The following HIVEP2 variants were observed in gnomAD, a reference collection of about 807,000 sequenced individuals.
HIVEP2 encodes the protein HIVEP zinc finger 2.
Under a neutral mutation model 180.7 loss-of-function variants are expected in HIVEP2, and 14 were observed. The ratio of observed to expected loss-of-function variants is 0.08; its 90% CI spans 0.05 to 0.12. The LOEUF (loss-of-function observed/expected upper bound fraction) is 0.12, where lower values mean the gene tolerates loss of function less well. Among genes scored for constraint, HIVEP2 ranks in the 10% least tolerant of loss-of-function variants. HIVEP2 has a pLI of 1.00. For missense variants in HIVEP2, 2,579 were observed against 3,008.5 expected (o/e 0.86, Z 3.34); for synonymous variants, 1,184 against 1,136.4 (o/e 1.04, Z -0.84).
At chr6:142,802,178 C>G (rs1776430586) in intron 2 of HIVEP2, among the ~76,000 whole-genome samples, 1 of 152,188 alleles carries the variant, frequency 6.6e-6, no homozygotes, top group South Asian at 2.1e-4. Flanking sequence ...CTCCTTCAAA[C>G]TTATGGCTTC....
chr6:142,936,069 G>A (rs1444102820), intron 1 of HIVEP2, among the ~76,000 whole-genome samples: 6 of 151,370 alleles, frequency 4.0e-5, no homozygotes, highest in African/African-American at 1.2e-4. Flanking sequence ...CCGTGATCGC[G>A]CCACTGCACT....
At chr6:142,806,165 A>G (rs1192247104) in intron 2 of HIVEP2, among the ~76,000 whole-genome samples, 4 of 152,310 alleles carry the variant, frequency 2.6e-5, no homozygotes, top group Middle Eastern at 3.4e-3. Flanking sequence ...AGTACTCCCA[A>G]TATACTCACA....
chr6:142,778,908 G>C (rs1322833453), intron 3 of HIVEP2, among the ~76,000 whole-genome samples: 3 of 151,976 alleles, frequency 2.0e-5, no homozygotes, highest in African/African-American at 7.3e-5. Flanking sequence ...ATGGTTCTGA[G>C]AGAATATAAA....
chr6:142,801,651 T>G (rs1028889189), intron 2 of HIVEP2, among the ~76,000 whole-genome samples: 5 of 152,080 alleles, frequency 3.3e-5, no homozygotes, highest in Non-Finnish European at 7.4e-5. Flanking sequence ...GGGACTTGGT[T>G]TCCCATCTAT....
chr6:142,879,023 G>T (rs1412615195), intron 1 of HIVEP2, among the ~76,000 whole-genome samples: 1 of 152,092 alleles, frequency 6.6e-6, no homozygotes, highest in Non-Finnish European at 1.5e-5. Flanking sequence ...CTTAGAAAAA[G>T]AGAAATATAT....
chr6:142,859,134 AT>A (rs552294257), intron 1 of HIVEP2, among the ~76,000 whole-genome samples: 3 of 151,840 alleles, frequency 2.0e-5, no homozygotes, highest in African/African-American at 4.8e-5. Context: ...TTCTGTCTCT[AT>A]TTTTTTTAAC....
At chr6:142,865,435 GA>G (rs5880552) in intron 1 of HIVEP2, among the ~76,000 whole-genome samples, 65,383 of 146,458 alleles carry the variant, frequency 0.45, 14,848 homozygotes, top group South Asian at 0.58. Context: ...AAACTGAGAA[GA>G]AAAAAAAAAA....
At chr6:142,897,161 C>T (rs1417226932) in intron 1 of HIVEP2, among the ~76,000 whole-genome samples, 1 of 152,070 alleles carries the variant, frequency 6.6e-6, no homozygotes, top group African/African-American at 2.4e-5. Flanking sequence ...ACTTTGTTAA[C>T]CACCAGAGAA....
At chr6:142,867,803 A>G (rs1365682869) in intron 1 of HIVEP2, among the ~76,000 whole-genome samples, 1 of 152,208 alleles carries the variant, frequency 6.6e-6, no homozygotes, top group Admixed American at 6.6e-5. Flanking sequence ...CGCATGCAAG[A>G]CTTGGTTGCT....
Position 142,753,602 on chromosome 6 carries a change from A to G in HIVEP2, c.6846T>C (p.His2282=). The change falls in exon 10 of 10, where the codon CAT becomes CAC. Residue 2282 remains histidine, a synonymous_variant. Coordinates refer to ENST00000367603, the MANE Select transcript of HIVEP2 (RefSeq NM_006734.4). ...GCAAAGCGTGAGGACCTCGCTTCTCATGCTGCTTAGAAAGCACATAGGGGT... is the reference window on the plus strand; with the variant it reads ...GCAAAGCGTGAGGACCTCGCTTCTCGTGCTGCTTAGAAAGCACATAGGGGT... The part of the protein sequence containing the change: ...SKDPYVLSKQ[H]EKRGPHALQS... 6.2e-7 allele frequency: 1 copy of G among 1,614,174 alleles called. No homozygotes were observed. The highest frequency in any genetic ancestry group is 8.5e-7 in the Non-Finnish European group (1 of 1,180,036).
intron 1 of HIVEP2, among the ~76,000 whole-genome samples, chr6:142,902,782 T>C (rs755212751): frequency 2.2e-4 from 33 of 152,210 alleles, no homozygotes; most frequent in Non-Finnish European, 4.4e-4. Context: ...ACTACAATGC[T>C]CAGGAACTTC....
chr6:142,753,212 C>T lies in HIVEP2; in HGVS notation c.7236G>A (p.Lys2412=). 1 of 1,614,108 alleles carries T rather than the reference C, an allele frequency of 6.2e-7. No individual in the cohort carries two copies. Among genetic ancestry groups the T allele is most frequent in the South Asian group, 1.1e-5 (1 of 91,082 alleles). Residue 2412 remains lysine, a synonymous_variant, in exon 10 of 10, where the codon AAG becomes AAA. Transcript: ENST00000367603. ...CCAACTGCTTGTCATCCACACAACT[C>T]TTGCTGTAAAACGTGGAGTGAGCTA... ...TPLAHSTFYS[K]SCVDDKQLDF...
At chr6:142,881,994 G>A (rs1002138295) in intron 1 of HIVEP2, among the ~76,000 whole-genome samples, 2 of 152,162 alleles carry the variant, frequency 1.3e-5, no homozygotes, top group East Asian at 1.9e-4. Flanking sequence ...AATTATCAGA[G>A]TTTGCTACCA....
At chr6:142,865,002 A>T (rs1776101097) in intron 1 of HIVEP2, among the ~76,000 whole-genome samples, 1 of 152,208 alleles carries the variant, frequency 6.6e-6, no homozygotes, top group South Asian at 2.1e-4. Context: ...ATTCAAAAAC[A>T]GCTTTTCAAA....
intron 1 of HIVEP2, among the ~76,000 whole-genome samples, chr6:142,870,256 G>A (rs1260892925): frequency 6.6e-6 from 1 of 152,148 alleles, no homozygotes; most frequent in Non-Finnish European, 1.5e-5. Flanking sequence ...CCAGAATCCA[G>A]GAGGTCTGCT....
chr6:142,840,507 C>T (rs1459240603), intron 1 of HIVEP2, among the ~76,000 whole-genome samples: 2 of 152,072 alleles, frequency 1.3e-5, no homozygotes, highest in Non-Finnish European at 2.9e-5. Flanking sequence ...TATTATTTGT[C>T]CCCATGTAAG....
chr6:142,819,597 T>A (rs1406566499), intron 2 of HIVEP2, among the ~76,000 whole-genome samples: 1 of 152,236 alleles, frequency 6.6e-6, no homozygotes, highest in Non-Finnish European at 1.5e-5. Flanking sequence ...TTCCCATGTT[T>A]CTAATAACTA....
intron 1 of HIVEP2, among the ~76,000 whole-genome samples, chr6:142,865,046 C>T (rs903216388): frequency 5.3e-5 from 8 of 152,134 alleles, no homozygotes; most frequent in African/African-American, 1.9e-4. Flanking sequence ...TTATTACAGC[C>T]TATTTTACTT....
chr6:142,885,620 T>C (rs1776677894), intron 1 of HIVEP2, among the ~76,000 whole-genome samples: 1 of 152,066 alleles, frequency 6.6e-6, no homozygotes, highest in African/African-American at 2.4e-5. Context: ...TAAAAATAGT[T>C]ACAGGGCCCT....
Sources: allele counts gnomAD v4.1 joint callset (sites outside exome capture counted in the v4.1 genomes callset), GRCh38; gene constraint gnomAD v4.1.1; transcripts MANE v1.5; gene names NCBI Gene and HGNC (gene_info 2026-07-23, HGNC 2026-07-21).